KIAA1217: variants seen among roughly 807,000 people sequenced by gnomAD.
The protein encoded by KIAA1217 is KIAA1217.
A neutral mutation model predicts 163.9 loss-of-function variants in KIAA1217; 88 were observed. The observed-to-expected ratio is 0.54, with a 90% CI of 0.45 to 0.64. KIAA1217 has a LOEUF of 0.64. KIAA1217 is among the 30% of genes least tolerant of loss of function. The pLI is 0.00. For synonymous variants in KIAA1217, 903 were observed against 923.1 expected (o/e 0.98, Z 0.39); for missense variants, 2,372 against 2,475.0 (o/e 0.96, Z 0.88).
intron 1 of KIAA1217, among the ~76,000 whole-genome samples, chr10:23,729,360 T>C (rs528428559): frequency 8.3e-4 from 126 of 152,338 alleles, no homozygotes; most frequent in African/African-American, 3.0e-3. Flanking sequence ...TTTTGTTTTA[T>C]AAGAAAGTGC....
At chr10:24,237,973 CAA>C (rs1186945652) in intron 2 of KIAA1217, among the ~76,000 whole-genome samples, 1 of 152,314 alleles carries the variant, frequency 6.6e-6, no homozygotes, top group African/African-American at 2.4e-5. Flanking sequence ...CCCTGCTATG[CAA>C]AGAGTCATTC....
At chr10:24,430,234 T>TG (rs761780450) in intron 3 of KIAA1217, among the ~76,000 whole-genome samples, 2 of 152,164 alleles carry the variant, frequency 1.3e-5, no homozygotes, top group Non-Finnish European at 2.9e-5. Context: ...ACTAAGGAGC[T>TG]GGCCCCTTTG....
At chr10:24,533,011 C>CTTTT in intron 15 of KIAA1217, 59 bp from the exon 16 acceptor site, 2 of 1,511,430 alleles carry the variant, frequency 1.3e-6, no homozygotes, top group South Asian at 2.6e-5. Context: ...CGATCTGTCC[C>CTTTT]TTTTTTGCTA....
intron 1 of KIAA1217, among the ~76,000 whole-genome samples, chr10:23,880,294 G>C: frequency 6.6e-6 from 1 of 151,928 alleles, no homozygotes; most frequent in Non-Finnish European, 1.5e-5. Flanking sequence ...GCTGTCATTT[G>C]CAACAACATG....
At chr10:24,154,640 T>G (rs905441311) in intron 2 of KIAA1217, among the ~76,000 whole-genome samples, 4 of 151,984 alleles carry the variant, frequency 2.6e-5, no homozygotes, top group African/African-American at 9.7e-5. Flanking sequence ...TTTGGGAGGC[T>G]GAGGCAAGTG....
At chr10:24,495,085 TA>T (rs71506836) in intron 7 of KIAA1217, 61 bp from the exon 8 acceptor site, 189,844 of 1,189,794 alleles carry the variant, frequency 0.16, 720 homozygotes, top group African/African-American at 0.22. Context: ...GAATGGGCTT[TA>T]AAAAAAAAAA....
chr10:23,855,257 T>G (rs1839589928), intron 1 of KIAA1217, among the ~76,000 whole-genome samples: 1 of 152,218 alleles, frequency 6.6e-6, no homozygotes, highest in South Asian at 2.1e-4. Context: ...AGTATTTTAT[T>G]TCTTCTTTAC....
At chr10:24,088,695 T>C (rs1589448188) in intron 2 of KIAA1217, among the ~76,000 whole-genome samples, 1 of 123,862 alleles carries the variant, frequency 8.1e-6, no homozygotes, top group Non-Finnish European at 2.0e-5. Context: ...CAGTCTATCA[T>C]TGTTGGACAT....
At chr10:23,739,733 A>C (rs1017081958) in intron 1 of KIAA1217, among the ~76,000 whole-genome samples, 24 of 152,196 alleles carry the variant, frequency 1.6e-4, no homozygotes, top group Non-Finnish European at 2.9e-4. Flanking sequence ...TAGAGGCCAG[A>C]GTAGAGGCAG....
chr10:23,864,694 T>C (rs1840107782), intron 1 of KIAA1217, among the ~76,000 whole-genome samples: 2 of 152,076 alleles, frequency 1.3e-5, no homozygotes, highest in South Asian at 4.1e-4. Flanking sequence ...CATGTATTAG[T>C]CAGGGTTCTC....
Position 23,935,764 on chromosome 10 carries a change from A to G in KIAA1217, c.-320-71461A>G, listed in dbSNP as rs567201132. On this transcript the variant is annotated intron_variant, in intron 1 of 18. Coordinates refer to the KIAA1217 transcript ENST00000376462. ...TATTTAAGAAGCAGTGTATAGTATT[A>G]TCTATAAAGGCTTTCATTAAAATAA... Among the ~76,000 whole-genome samples, 3 of 152,344 alleles carry G rather than the reference A, an allele frequency of 2.0e-5. No homozygotes were observed. In the South Asian group the frequency reaches 6.2e-4, roughly 32 times the overall value.
Position 24,531,898 on chromosome 10 carries a change from C to G in KIAA1217, c.3151C>G (p.Pro1051Ala), listed in dbSNP as rs201801016. The part of the protein sequence containing the change: ...GGKSPPPPPP[P>A]PRRSYLPGSG... ...AAAGTCGCCCCCTCCTCCTCCGCCA[C>G]CTCCTCGTCGAAGCTACCTGCCAGG... Residue 1051 changes from proline to alanine, a missense_variant, in exon 15 of 21, where the codon CCT becomes GCT. Coordinates refer to ENST00000376454, the MANE Select transcript of KIAA1217 (RefSeq NM_019590.5). 6.2e-7 allele frequency: 1 copy of G among 1,610,686 alleles called. No individual in the cohort carries two copies. Among genetic ancestry groups the G allele is most frequent in the African/African-American group, 1.3e-5 (1 of 75,002 alleles).
chr10:23,709,290 G>A lies in KIAA1217; in HGVS notation c.-321+14056G>A, dbSNP rs148722499. Among the ~76,000 whole-genome samples the A allele has an allele frequency of 9.9e-4, 150 of 152,254 alleles. 3 individuals are homozygous for A. The highest frequency in any genetic ancestry group is 2.3e-3 in the Admixed American group (35 of 15,280). On this transcript the variant is annotated intron_variant, in intron 1 of 18. Coordinates refer to the KIAA1217 transcript ENST00000376462. ...GGTAATCCCAGCACTTTGGGAGGCC[G>A]AGGTGGGCGGATCACTTGAGTCTAG...
At chr10:23,806,067 A>G (rs1403818894) in intron 1 of KIAA1217, among the ~76,000 whole-genome samples, 1 of 151,502 alleles carries the variant, frequency 6.6e-6, no homozygotes, top group Non-Finnish European at 1.5e-5. Context: ...ATTTGATGTC[A>G]TCAAATGATA....
chr10:24,136,066 G>T (rs2063821694), intron 2 of KIAA1217, among the ~76,000 whole-genome samples: 1 of 152,152 alleles, frequency 6.6e-6, no homozygotes, highest in African/African-American at 2.4e-5. Context: ...AGAAAGAGGG[G>T]TATTAGAGTA....
chr10:24,237,541 A>G (rs1250710247), intron 2 of KIAA1217, among the ~76,000 whole-genome samples: 1 of 152,212 alleles, frequency 6.6e-6, no homozygotes, highest in Non-Finnish European at 1.5e-5. Context: ...CCCAAAGGGA[A>G]GATCTGGCAT....
chr10:24,132,712 T>G (rs1785499392), intron 2 of KIAA1217, among the ~76,000 whole-genome samples: 1 of 152,186 alleles, frequency 6.6e-6, no homozygotes, highest in South Asian at 2.1e-4. Flanking sequence ...GAAACATTTG[T>G]CAGCATAAAG....
At chr10:23,853,530 A>G (rs1480647309) in intron 1 of KIAA1217, among the ~76,000 whole-genome samples, 3 of 152,174 alleles carry the variant, frequency 2.0e-5, no homozygotes, top group Admixed American at 2.0e-4. Context: ...TGGCCTCATA[A>G]AATGAGTTAG....
intron 2 of KIAA1217, among the ~76,000 whole-genome samples, chr10:24,020,172 C>T (rs967306428): frequency 6.6e-6 from 1 of 152,040 alleles, no homozygotes; most frequent in Non-Finnish European, 1.5e-5. Flanking sequence ...ACTTCTAGAG[C>T]GTTGGGTGAG....
Sources: gnomAD v4.1 joint callset for allele counts (sites outside exome capture counted in the v4.1 genomes callset) on GRCh38, gnomAD v4.1.1 for gene constraint, MANE v1.5 for transcripts, NCBI Gene and HGNC (gene_info 2026-07-23, HGNC 2026-07-21) for gene names.